The following LAMA2 variants were observed in gnomAD, a reference collection of about 807,000 sequenced individuals.
LAMA2 encodes the protein laminin subunit alpha 2, also known as laminin subunit alpha-2.
LAMA2 carries 269 observed loss-of-function variants against 364.8 expected under a neutral mutation model. That is an observed-to-expected ratio of 0.74 (90% CI 0.67 to 0.82). The LOEUF (loss-of-function observed/expected upper bound fraction) is 0.82. LAMA2 is among the 40% of genes least tolerant of loss of function. The pLI is 0.00. For missense variants in LAMA2, 3,807 were observed against 3,873.2 expected (o/e 0.98, Z 0.45); for synonymous variants, 1,379 against 1,370.6 (o/e 1.01, Z -0.14).
chr6:129,268,585 A>G (rs1393308862), intron 16 of LAMA2, among the ~76,000 whole-genome samples: 1 of 152,092 alleles, frequency 6.6e-6, no homozygotes, highest in Non-Finnish European at 1.5e-5. Flanking sequence ...TTGATGTGAT[A>G]TTTCTAAAAC....
chr6:129,341,077 ACAT>A (rs1776242678), intron 29 of LAMA2, among the ~76,000 whole-genome samples: 1 of 152,254 alleles, frequency 6.6e-6, no homozygotes, highest in African/African-American at 2.4e-5. Flanking sequence ...TTTTAAACAA[ACAT>A]TAATTCCATG....
intron 58 of LAMA2, among the ~76,000 whole-genome samples, chr6:129,493,443 TG>T (rs986054953): frequency 6.6e-6 from 1 of 152,192 alleles, no homozygotes; most frequent in African/African-American, 2.4e-5. Flanking sequence ...GCTTAGCTTT[TG>T]AGATCAGAAA....
chr6:129,061,394 C>T (rs1483213915), intron 3 of LAMA2, among the ~76,000 whole-genome samples: 11 of 152,158 alleles, frequency 7.2e-5, no homozygotes, highest in African/African-American at 2.7e-4. Flanking sequence ...GCACAAATCA[C>T]TTATAGTACT....
chr6:129,347,656 G>C (rs1776628088), intron 30 of LAMA2, among the ~76,000 whole-genome samples: 1 of 152,158 alleles, frequency 6.6e-6, no homozygotes, highest in Non-Finnish European at 1.5e-5. Flanking sequence ...AAATGTAAAA[G>C]ATGGTCACCA....
At chr6:129,182,347 A>G (rs1166328222) in intron 10 of LAMA2, among the ~76,000 whole-genome samples, 1 of 151,534 alleles carries the variant, frequency 6.6e-6, no homozygotes, top group East Asian at 1.9e-4. Flanking sequence ...AGTATCTTTG[A>G]AGGTGATAAA....
chr6:129,499,500 A>C (rs1016451824), intron 58 of LAMA2, among the ~76,000 whole-genome samples: 2 of 151,560 alleles, frequency 1.3e-5, no homozygotes, highest in African/African-American at 4.9e-5. Context: ...AGCAGAGTTG[A>C]AAACATCATC....
chr6:129,059,994 C>G (rs1257218010), intron 3 of LAMA2, 98 bp downstream of exon 3: 2 of 728,446 alleles, frequency 2.7e-6, no homozygotes, highest in Non-Finnish European at 2.5e-6. Flanking sequence ...GATACTCTTT[C>G]TTATCACTCT....
At position 129,389,794 on chromosome 6, in the gene LAMA2, TA is replaced by T. The variant is rs200924477; in HGVS notation, c.5072-1696del. ...CGAACAACCTGATCTTGTGAGAATTTATTCACTATCACAAGAACAGCAAGGG... is the reference window on the plus strand; with the variant it reads ...CGAACAACCTGATCTTGTGAGAATTTTTCACTATCACAAGAACAGCAAGGG... On this transcript the variant is annotated intron_variant, in intron 35 of 64. Transcript: ENST00000421865. Among the ~76,000 whole-genome samples the T allele has an allele frequency of 6.6e-3, 1,003 of 152,270 alleles. 23 individuals are homozygous for T. Among genetic ancestry groups the T allele is most frequent in the African/African-American group, 0.023 (961 of 41,528 alleles).
chr6:129,152,550 T>C (rs1352373690), intron 7 of LAMA2, among the ~76,000 whole-genome samples: 1 of 152,214 alleles, frequency 6.6e-6, no homozygotes, highest in Admixed American at 6.5e-5. Flanking sequence ...CTACTGCTAC[T>C]AACATTTATT....
intron 45 of LAMA2, among the ~76,000 whole-genome samples, chr6:129,447,248 C>T (rs1227025934): frequency 6.6e-6 from 1 of 152,118 alleles, no homozygotes; most frequent in Non-Finnish European, 1.5e-5. Context: ...TGTTATGCCA[C>T]ATTATAGAAG....
At chr6:129,176,804 G>A (rs913275140) in intron 9 of LAMA2, among the ~76,000 whole-genome samples, 49 of 151,268 alleles carry the variant, frequency 3.2e-4, no homozygotes, top group African/African-American at 1.1e-3. Context: ...CAATATTCCT[G>A]TTCATTTTGT....
chr6:128,940,483 A>G (rs1321783404), intron 1 of LAMA2, among the ~76,000 whole-genome samples: 1 of 152,212 alleles, frequency 6.6e-6, no homozygotes, highest in Non-Finnish European at 1.5e-5. Context: ...TACATTGCAG[A>G]CATCTAATAA....
chr6:128,911,179 C>A lies in LAMA2; in HGVS notation c.112+27822C>A, dbSNP rs377421332. 3.4e-4 allele frequency among the ~76,000 whole-genome samples: 52 copies of A among 152,282 alleles called. No individual in the cohort carries two copies. In the East Asian group the frequency reaches 7.9e-3, roughly 23 times the overall value. On this transcript the variant is annotated intron_variant, in intron 1 of 64. Coordinates refer to ENST00000421865, the MANE Select transcript of LAMA2 (RefSeq NM_000426.4). The stretch of plus-strand genomic sequence containing the variant: ...GTGGGCTACACCCAGTTCGAGCTTC[C>A]CGGCTGCTTTGTTTACCTAATCAAG...
intron 1 of LAMA2, among the ~76,000 whole-genome samples, chr6:128,986,899 AC>A (rs1441110614): frequency 6.6e-6 from 1 of 152,028 alleles, no homozygotes; most frequent in Non-Finnish European, 1.5e-5. Flanking sequence ...ATATTCAGAG[AC>A]TAGACTCTCT....
chr6:129,314,276 G>A (rs1452054708), intron 23 of LAMA2, among the ~76,000 whole-genome samples: 1 of 151,966 alleles, frequency 6.6e-6, no homozygotes, highest in Admixed American at 6.6e-5. Context: ...GCGGGCGCCT[G>A]TAGTCCCATC....
chr6:129,220,166 C>T (rs1195997230), intron 12 of LAMA2, among the ~76,000 whole-genome samples: 1 of 151,968 alleles, frequency 6.6e-6, no homozygotes, highest in African/African-American at 2.4e-5. Flanking sequence ...ATATTTTTTG[C>T]ACAACTAAGT....
At chr6:129,448,536 G>C (rs1782507183) in intron 45 of LAMA2, among the ~76,000 whole-genome samples, 1 of 152,086 alleles carries the variant, frequency 6.6e-6, no homozygotes, top group Non-Finnish European at 1.5e-5. Context: ...ACACATACTT[G>C]ACATGACCAA....
At chr6:129,443,007 TTCC>T in intron 43 of LAMA2, 53 bp from the exon 44 acceptor site, 1 of 1,348,146 alleles carries the variant, frequency 7.4e-7, no homozygotes, top group Non-Finnish European at 1.1e-6. Flanking sequence ...TAGAAAATAC[TTCC>T]TCATGAATTT....
chr6:129,485,046 A>C (rs902317167), intron 55 of LAMA2, among the ~76,000 whole-genome samples: 4 of 152,348 alleles, frequency 2.6e-5, no homozygotes, highest in African/African-American at 9.6e-5. Context: ...CATAATAAGC[A>C]CTAAATAAAT....
Sources: allele counts gnomAD v4.1 joint callset (sites outside exome capture counted in the v4.1 genomes callset), GRCh38; gene constraint gnomAD v4.1.1; transcripts MANE v1.5; gene names NCBI Gene and HGNC (gene_info 2026-07-23, HGNC 2026-07-21).